The following KCNQ5 variants were observed in gnomAD, a reference collection of about 807,000 sequenced individuals.
KCNQ5 encodes potassium voltage-gated channel subfamily KQT member 5.
In KCNQ5, 30 loss-of-function variants were observed where a neutral mutation model predicts 98.2. That is an observed-to-expected ratio of 0.31 (90% confidence interval 0.23 to 0.41). The LOEUF (loss-of-function observed/expected upper bound fraction) is 0.41. Ranked by LOEUF, KCNQ5 falls within the 10% of genes least tolerant of loss-of-function variation. The pLI, the probability that KCNQ5 is intolerant of heterozygous loss-of-function variation, is 1.00. For synonymous variants in KCNQ5, 458 were observed against 449.4 expected, an observed-to-expected ratio of 1.02 and a Z score of -0.24; for missense variants, 835 against 1,182.5, an observed-to-expected ratio of 0.71 and a Z score of 4.31.
chr6:72,773,045 T>C (rs1199114138), intron 1 of KCNQ5, among the ~76,000 whole-genome samples: 2 of 152,174 alleles, frequency 1.3e-5, no homozygotes, highest in Admixed American at 1.3e-4. Context: ...TGTAAAACGC[T>C]ATATTGAATA....
intron 5 of KCNQ5, among the ~76,000 whole-genome samples, chr6:73,089,928 C>T (rs1774164816): frequency 1.3e-5 from 2 of 152,124 alleles, no homozygotes; most frequent in South Asian, 4.1e-4. Context: ...GGGTAGATAA[C>T]CAGTAGTGAG....
chr6:72,784,390 C>T lies in KCNQ5; in HGVS notation c.398+161803C>T, dbSNP rs571633936. Among the ~76,000 whole-genome samples, 8 of 152,240 alleles carry T rather than the reference C, an allele frequency of 5.3e-5. 2 individuals carry two copies. Among genetic ancestry groups the T allele is most frequent in the African/African-American group, 1.9e-4 (8 of 41,528 alleles). ...GTGGATGAAAGATGTAAGAGAAGCA[C>T]AGTCATTGGGAGATTTCTGCTGTGG... is the stretch of plus-strand genomic sequence containing the variant. On this transcript the variant is annotated intron_variant, in intron 1 of 13. Coordinates refer to ENST00000370398, the MANE Select transcript of KCNQ5 (RefSeq NM_019842.4).
At chr6:72,795,324 C>T (rs376461518) in intron 1 of KCNQ5, among the ~76,000 whole-genome samples, 38 of 152,228 alleles carry the variant, frequency 2.5e-4, no homozygotes, top group African/African-American at 8.9e-4. Context: ...GAACCAAATG[C>T]ACTGATACCA....
chr6:73,005,685 G>A (rs2150324546), intron 2 of KCNQ5, among the ~76,000 whole-genome samples: 1 of 152,288 alleles, frequency 6.6e-6, no homozygotes, highest in Admixed American at 6.5e-5. Flanking sequence ...GCATTTAGTA[G>A]AAAATAAAAA....
At chr6:72,884,211 T>G (rs1778762375) in intron 1 of KCNQ5, among the ~76,000 whole-genome samples, 1 of 152,176 alleles carries the variant, frequency 6.6e-6, no homozygotes, top group Non-Finnish European at 1.5e-5. Context: ...CCCTTGTCAA[T>G]CTAGGATATA....
At chr6:72,840,918 C>A (rs956368733) in intron 1 of KCNQ5, among the ~76,000 whole-genome samples, 1 of 152,100 alleles carries the variant, frequency 6.6e-6, no homozygotes, top group Non-Finnish European at 1.5e-5. Flanking sequence ...ATGAAGTCTA[C>A]GGTTATGTTT....
intron 1 of KCNQ5, among the ~76,000 whole-genome samples, chr6:72,691,051 C>A (rs1347507776): frequency 6.6e-6 from 1 of 152,138 alleles, no homozygotes. Flanking sequence ...AGCAAACTGG[C>A]TTTTCTTCTT....
At chr6:72,687,076 A>G (rs907295483) in intron 1 of KCNQ5, among the ~76,000 whole-genome samples, 1 of 152,178 alleles carries the variant, frequency 6.6e-6, no homozygotes, top group African/African-American at 2.4e-5. Flanking sequence ...TAACTCTTGT[A>G]TTTAATTTAC....
chr6:73,185,822 G>C (rs1194591179), intron 11 of KCNQ5, among the ~76,000 whole-genome samples: 1 of 152,326 alleles, frequency 6.6e-6, no homozygotes, highest in African/African-American at 2.4e-5. Context: ...TATAGCAGTG[G>C]AGATGCAAAT....
In KCNQ5 at chr6:73,015,812, C is replaced by T. The variant is rs144440362; in HGVS notation, c.489+11814C>T. ...GTCAGTAGAAGGAAAAACACCCTTC[C>T]CTTACTATCTTTCCATGCTGTGATC... is the stretch of plus-strand genomic sequence containing the variant. On this transcript the variant is annotated intron_variant, in intron 2 of 13. Transcript: ENST00000370398. Among the ~76,000 whole-genome samples the T allele has an allele frequency of 1.4e-3, 207 of 152,230 alleles. 4 individuals are homozygous for T. In the East Asian group the frequency reaches 0.033, roughly 24 times the overall value.
chr6:73,055,302 A>G (rs1746353497), intron 3 of KCNQ5: 1 of 1,408,236 alleles, frequency 7.1e-7, no homozygotes, highest in African/African-American at 1.4e-5. Context: ...ACAGTGCTAG[A>G]TGCCATTGAT....
chr6:72,841,496 A>G (rs533159810), intron 1 of KCNQ5, among the ~76,000 whole-genome samples: 128 of 152,246 alleles, frequency 8.4e-4, no homozygotes, highest in Non-Finnish European at 1.2e-3. Flanking sequence ...TTAGAAAATA[A>G]ATTTAAAAAA....
At chr6:72,756,924 G>T (rs1355458781) in intron 1 of KCNQ5, among the ~76,000 whole-genome samples, 1 of 151,820 alleles carries the variant, frequency 6.6e-6, no homozygotes, top group Non-Finnish European at 1.5e-5. Context: ...ACATACAAAC[G>T]ACATAGTTTT....
intron 1 of KCNQ5, among the ~76,000 whole-genome samples, chr6:72,983,280 C>G (rs1407833701): frequency 2.6e-5 from 4 of 152,160 alleles, no homozygotes; most frequent in Non-Finnish European, 5.9e-5. Flanking sequence ...CAACTTGGTT[C>G]CATTCGCCCT....
intron 1 of KCNQ5, among the ~76,000 whole-genome samples, chr6:72,822,929 G>A (rs796468705): frequency 1.3e-5 from 2 of 152,050 alleles, no homozygotes; most frequent in African/African-American, 4.8e-5. Context: ...ATGTCACTTA[G>A]ATCCCTGCTT....
At chr6:72,684,905 G>A (rs1014382543) in intron 1 of KCNQ5, among the ~76,000 whole-genome samples, 1 of 151,874 alleles carries the variant, frequency 6.6e-6, no homozygotes, top group Admixed American at 6.6e-5. Context: ...TATTTCTGAG[G>A]CCCCTAGGCA....
intron 10 of KCNQ5, among the ~76,000 whole-genome samples, chr6:73,155,001 G>T (rs145342697): frequency 0.023 from 3,518 of 152,184 alleles, 61 homozygotes; most frequent in Middle Eastern, 0.048. Flanking sequence ...CAAGGAAAGG[G>T]GCTTGTAAAC....
At chr6:72,952,460 C>T (rs1260702167) in intron 1 of KCNQ5, among the ~76,000 whole-genome samples, 1 of 152,198 alleles carries the variant, frequency 6.6e-6, no homozygotes, top group Non-Finnish European at 1.5e-5. Context: ...ATAACTTCTC[C>T]TTCTAGACCA....
chr6:72,963,469 A>G (rs1201081470), intron 1 of KCNQ5, among the ~76,000 whole-genome samples: 1 of 152,206 alleles, frequency 6.6e-6, no homozygotes, highest in Non-Finnish European at 1.5e-5. Flanking sequence ...ATCTTACTAA[A>G]TGCCATAGAA....
Sources: gnomAD v4.1 joint callset for allele counts (sites outside exome capture counted in the v4.1 genomes callset) on GRCh38, gnomAD v4.1.1 for gene constraint, MANE v1.5 for transcripts, NCBI Gene and HGNC (gene_info 2026-07-23, HGNC 2026-07-21) for gene names.